C10orf105: variants seen among roughly 807,000 people sequenced by gnomAD.
The protein encoded by C10orf105 is uncharacterized protein C10orf105.
In C10orf105, 2 loss-of-function variants were observed where a neutral mutation model predicts 0.6. The ratio of observed to expected loss-of-function variants is 3.18; its 90% CI spans 1.30 to 10.01. C10orf105 has a LOEUF of 10.01. Ranked by LOEUF, C10orf105 falls within the 30% of genes most tolerant of loss-of-function variation. The pLI is 0.04. For missense variants in C10orf105, 209 were observed against 191.4 expected (o/e 1.09, Z -0.54); for synonymous variants, 95 against 82.4 (o/e 1.15, Z -0.83).
chr10:71,729,981 C>T (rs1216037914), intron 1 of C10orf105, among the ~76,000 whole-genome samples: 4 of 151,942 alleles, frequency 2.6e-5, no homozygotes, highest in Non-Finnish European at 4.4e-5. Flanking sequence ...ACTACAGGCG[C>T]CCGCCACCAC....
intron 1 of C10orf105, chr10:71,732,468 T>C (rs1021367507): frequency 2.0e-6 from 3 of 1,511,464 alleles, no homozygotes; most frequent in Non-Finnish European, 1.8e-6. Context: ...CTCTTTGTCA[T>C]AAAATGTCCT....
rs756165682 is a variant in C10orf105, at chr10:71,712,692, C to G, written c.*3244G>C. The G allele has an allele frequency of 1.9e-6, 3 of 1,613,670 alleles. No individual in the cohort carries two copies. The highest frequency in any genetic ancestry group is 2.5e-6 in the Non-Finnish European group (3 of 1,179,882). ...AACGGCCCTGTAGGGAAGCGACACA[C>G]GGGCACAGCCACCGTGTTCGTCACT... On this transcript the variant is annotated 3_prime_UTR_variant, in exon 2 of 2. Transcript: ENST00000441508.
chr10:71,737,275 C>T (rs1839592933), intron 1 of C10orf105, among the ~76,000 whole-genome samples: 1 of 152,304 alleles, frequency 6.6e-6, no homozygotes, highest in East Asian at 1.9e-4. Flanking sequence ...GGTGCCACCC[C>T]TTCACTTTCT....
chr10:71,732,320 T>G lies in C10orf105; in HGVS notation c.-6+5408A>C, dbSNP rs780799103. 2.5e-6 allele frequency: 4 copies of G among 1,602,750 alleles called. No individual in the cohort carries two copies. Among genetic ancestry groups the G allele is most frequent in the Non-Finnish European group, 3.4e-6 (4 of 1,174,370 alleles). On this transcript the variant is annotated intron_variant, in intron 1 of 1. Coordinates refer to the C10orf105 transcript ENST00000398786. ...AACCTCAACCAAATCACGTACCGCT[T>G]CAACGCCTACACCAGCACCCAGGCC...
At chr10:71,737,483 A>G (rs1422704246) in intron 1 of C10orf105, among the ~76,000 whole-genome samples, 1 of 152,234 alleles carries the variant, frequency 6.6e-6, no homozygotes, top group Non-Finnish European at 1.5e-5. Flanking sequence ...GGGACTGAGC[A>G]GTCAAACCTG....
At chr10:71,735,743 C>T (rs117227327) in intron 1 of C10orf105, among the ~76,000 whole-genome samples, 1,848 of 152,328 alleles carry the variant, frequency 0.012, 14 homozygotes, top group Middle Eastern at 0.034. Context: ...CCAGTTCTAG[C>T]GGCACTGGTT....
chr10:71,724,469 A>AT (rs1358949087), upstream of C10orf105, among the ~76,000 whole-genome samples: 1 of 152,130 alleles, frequency 6.6e-6, no homozygotes, highest in Non-Finnish European at 1.5e-5. Flanking sequence ...CATGCCTGTA[A>AT]TTTTTTGTGC....
At chr10:71,717,513 T>C (rs1178170598) in intron 1 of C10orf105, 1 of 152,282 alleles carries the variant, frequency 6.6e-6, no homozygotes, top group Admixed American at 6.5e-5. Context: ...TTAGACGCAG[T>C]GCAGCAGACG....
At position 71,713,640 on chromosome 10, in the gene C10orf105, CAGA is replaced by C. The variant is rs1365709513; in HGVS notation, c.*2293_*2295del. ...TTTGCGAGAGTGTGGTGGCTAGCTC[CAGA>C]AGGAGGAAGTAGAGGGTTCTCTCGA... On this transcript the variant is annotated 3_prime_UTR_variant, in exon 2 of 2. Transcript: ENST00000441508. The C allele has an allele frequency of 3.5e-5, 10 of 284,280 alleles. No homozygotes were observed. The highest frequency in any genetic ancestry group is 3.9e-5 in the South Asian group (1 of 25,380). 17.6% of individuals were successfully genotyped at this position (284,280 alleles called of 1,614,324 possible). A position where few individuals can be genotyped will look rare whatever the true frequency, so the allele number is the denominator to read the frequency against.
At chr10:71,736,424 C>T (rs563719475) in intron 1 of C10orf105, among the ~76,000 whole-genome samples, 45 of 152,230 alleles carry the variant, frequency 3.0e-4, no homozygotes, top group African/African-American at 1.1e-3. Context: ...CAGCCCTGGC[C>T]GGCCCCAGAA....
chr10:71,712,906 C>T lies in C10orf105; in HGVS notation c.*3030G>A, dbSNP rs1300831560. 3.4e-6 allele frequency: 5 copies of T among 1,466,260 alleles called. No homozygotes were observed. Among genetic ancestry groups the T allele is most frequent in the African/African-American group, 2.8e-5 (2 of 71,636 alleles). The allele number at this position is 1,466,260 out of a possible 1,614,324, so 90.8% of individuals were successfully genotyped here. A position where few individuals can be genotyped will look rare whatever the true frequency, so the allele number is the denominator to read the frequency against. ...GGCACATGCTCAGTGGCACCAGAGG[C>T]GGAAGCAGGTGGGGGCCCAGGGTGG... is the stretch of plus-strand genomic sequence containing the variant. On this transcript the variant is annotated 3_prime_UTR_variant, in exon 2 of 2. Coordinates refer to ENST00000441508, the MANE Select transcript of C10orf105 (RefSeq NM_001164375.3).
At chr10:71,734,630 C>T (rs1311618229) in intron 1 of C10orf105, 4 of 1,523,028 alleles carry the variant, frequency 2.6e-6, no homozygotes, top group Non-Finnish European at 3.6e-6. Flanking sequence ...CTCTCACTCC[C>T]CTCCTGCTGC....
chr10:71,720,420 A>AACACACACACACAC (rs57346519), upstream of C10orf105, among the ~76,000 whole-genome samples: 1,006 of 145,814 alleles, frequency 6.9e-3, 10 homozygotes, highest in African/African-American at 0.024. Flanking sequence ...CTCTTTCCAA[A>AACACACACACACAC]ACACACACAC....
chr10:71,726,947 C>A (rs1866839300), intron 1 of C10orf105, among the ~76,000 whole-genome samples: 1 of 152,194 alleles, frequency 6.6e-6, no homozygotes, highest in Non-Finnish European at 1.5e-5. Context: ...TGCAGCATCC[C>A]AGGGTACAGT....
Position 71,714,264 on chromosome 10 carries a change from G to C in C10orf105, c.*1672C>G, listed in dbSNP as rs1357211203. 1 of 152,124 alleles carries C rather than the reference G, an allele frequency of 6.6e-6. No homozygotes were observed. Among genetic ancestry groups the C allele is most frequent in the Non-Finnish European group, 1.5e-5 (1 of 68,030 alleles). 9.4% of individuals were successfully genotyped at this position (152,124 alleles called of 1,614,324 possible). Reference sequence around the variant, plus strand: ...GAAGATGAGGCTCTGTGTTATGCCAGCTTCCACCAAGACTCCTGCCTCAGA... The same window carrying C: ...GAAGATGAGGCTCTGTGTTATGCCACCTTCCACCAAGACTCCTGCCTCAGA... On this transcript the variant is annotated 3_prime_UTR_variant, in exon 2 of 2. Coordinates refer to ENST00000441508, the MANE Select transcript of C10orf105 (RefSeq NM_001164375.3).
chr10:71,734,233 C>T lies in C10orf105; in HGVS notation c.-6+3495G>A, dbSNP rs1589384274. 6.2e-7 allele frequency: 1 copy of T among 1,603,996 alleles called. No individual in the cohort carries two copies. The highest frequency in any genetic ancestry group is 1.1e-5 in the South Asian group (1 of 88,942). On this transcript the variant is annotated intron_variant, in intron 1 of 1. Transcript: ENST00000398786. The stretch of plus-strand genomic sequence containing the variant: ...TGTCACTCACCCATCTGGCCCCTTC[C>T]CTGCAGGGTGTGATCACAGTCCAGG...
At chr10:71,722,501 G>A (rs774534795), upstream of C10orf105, among the ~76,000 whole-genome samples, 64 of 152,196 alleles carry the variant, frequency 4.2e-4, no homozygotes, top group Non-Finnish European at 8.1e-4. Flanking sequence ...CTCCTAAGTC[G>A]TTCACATATT....
rs749839796 is a variant in C10orf105, at chr10:71,716,260, G to A, written c.78C>T (p.Pro26=). Residue 26 remains proline (P), a synonymous_variant, in exon 2 of 2, where the codon CCC becomes CCT. Coordinates refer to ENST00000441508, the MANE Select transcript of C10orf105 (RefSeq NM_001164375.3). The part of the protein sequence containing the change: ...PLAFLSAPVT[P]GTLAEATDPL... Reference sequence around the variant, plus strand: ...GGTCAGTTGCCTCTGCAAGGGTCCCGGGAGTGACGGGAGCTGAGAGAAAGG... The same window carrying A: ...GGTCAGTTGCCTCTGCAAGGGTCCCAGGAGTGACGGGAGCTGAGAGAAAGG... 70 of 1,542,808 alleles carry A rather than the reference G, an allele frequency of 4.5e-5. No individual in the cohort carries two copies. The South Asian group carries it at 5.5e-4, about 12-fold the overall frequency.
intron 1 of C10orf105, among the ~76,000 whole-genome samples, chr10:71,733,345 A>T (rs1343457987): frequency 6.6e-6 from 1 of 152,224 alleles, no homozygotes; most frequent in Non-Finnish European, 1.5e-5. Context: ...AGGGATGTCT[A>T]TGGAGGCTTC....
Sources: gnomAD v4.1 joint callset for allele counts (sites outside exome capture counted in the v4.1 genomes callset) on GRCh38, gnomAD v4.1.1 for gene constraint, MANE v1.5 for transcripts, NCBI Gene and HGNC (gene_info 2026-07-23, HGNC 2026-07-21) for gene names.